Variants in PDE3B observed in about 807,000 individuals in gnomAD.
PDE3B encodes the protein cGMP-inhibited 3',5'-cyclic phosphodiesterase 3B.
PDE3B carries 66 observed loss-of-function variants against 116.8 expected under a neutral mutation model. The ratio of observed to expected loss-of-function variants is 0.56; its 90% CI spans 0.46 to 0.69. PDE3B has a LOEUF of 0.69. Among genes scored for constraint, PDE3B ranks in the 30% least tolerant of loss-of-function variants. The pLI is 0.00. For missense variants in PDE3B, 1,384 were observed against 1,368.1 expected (o/e 1.01, Z -0.18); for synonymous variants, 595 against 533.6 (o/e 1.12, Z -1.59).
At chr11:14,724,285 A>G (rs774919876) in intron 1 of PDE3B, among the ~76,000 whole-genome samples, 3 of 152,172 alleles carry the variant, frequency 2.0e-5, no homozygotes, top group Non-Finnish European at 4.4e-5. Context: ...TGATGATGCT[A>G]TTTATTAAGG....
rs555646041 is a variant in PDE3B at position 14,848,884 on chromosome 11, G to C, written c.2520+4858G>C. ...AACATTCCATGCTCATGGGTAGGAA[G>C]AATCAGTATGAAAATGGCCTTACTG... is the stretch of plus-strand genomic sequence containing the variant. On this transcript the variant is annotated intron_variant, in intron 12 of 15. Transcript: ENST00000282096. Among the ~76,000 whole-genome samples the C allele has an allele frequency of 5.3e-4, 80 of 152,260 alleles. 1 individual carries two copies. Among genetic ancestry groups the C allele is most frequent in the African/African-American group, 1.9e-3 (79 of 41,562 alleles).
At chr11:14,701,643 A>C (rs1193848654) in intron 1 of PDE3B, among the ~76,000 whole-genome samples, 1 of 151,676 alleles carries the variant, frequency 6.6e-6, no homozygotes, top group Admixed American at 6.6e-5. Context: ...TTTTCTTATG[A>C]TAATTGAAGA....
chr11:14,760,106 T>A (rs966621912), intron 1 of PDE3B, among the ~76,000 whole-genome samples: 3 of 152,196 alleles, frequency 2.0e-5, no homozygotes, highest in African/African-American at 7.2e-5. Context: ...CACAGTATGA[T>A]TCTGGCTCTG....
chr11:14,647,485 A>G (rs1853442741), intron 1 of PDE3B, among the ~76,000 whole-genome samples: 1 of 151,968 alleles, frequency 6.6e-6, no homozygotes, highest in South Asian at 2.1e-4. Context: ...CACTTTTGGT[A>G]AGGTAGAAAT....
At chr11:14,852,709 C>G (rs1476786639) in intron 12 of PDE3B, among the ~76,000 whole-genome samples, 1 of 152,168 alleles carries the variant, frequency 6.6e-6, no homozygotes, top group Admixed American at 6.5e-5. Flanking sequence ...CTCCTTCAGT[C>G]TGTTCTCAAC....
At chr11:14,727,125 T>C (rs1856331107) in intron 1 of PDE3B, among the ~76,000 whole-genome samples, 1 of 152,164 alleles carries the variant, frequency 6.6e-6, no homozygotes, top group Admixed American at 6.6e-5. Flanking sequence ...GAGTCCTTGG[T>C]AAATGATTCA....
chr11:14,692,421 G>C (rs1381260442), intron 1 of PDE3B, among the ~76,000 whole-genome samples: 2 of 152,150 alleles, frequency 1.3e-5, no homozygotes, highest in Non-Finnish European at 2.9e-5. Flanking sequence ...AACTTAGTAT[G>C]TTTCGCAGAT....
the PDE3B span, chr11:14,880,631 T>C: frequency 5.6e-6 from 9 of 1,601,092 alleles, no homozygotes; most frequent in Admixed American, 1.4e-4. Context: ...TATGTTTCAA[T>C]AGCATCATTG....
At chr11:14,693,210 T>C (rs1207297829) in intron 1 of PDE3B, among the ~76,000 whole-genome samples, 1 of 152,164 alleles carries the variant, frequency 6.6e-6, no homozygotes, top group African/African-American at 2.4e-5. Flanking sequence ...GGTTAGTTCA[T>C]GAGGTTTTAG....
chr11:14,759,652 G>A (rs1402065230), intron 1 of PDE3B, among the ~76,000 whole-genome samples: 2 of 150,784 alleles, frequency 1.3e-5, no homozygotes, highest in Non-Finnish European at 2.9e-5. Context: ...GGGTTCAAGT[G>A]ATTCTTCTGC....
intron 1 of PDE3B, among the ~76,000 whole-genome samples, chr11:14,672,100 G>A (rs1854389791): frequency 6.7e-6 from 1 of 148,174 alleles, no homozygotes; most frequent in Non-Finnish European, 1.5e-5. Flanking sequence ...TAGTGTTAAA[G>A]TATCTTTATA....
chr11:14,809,970 G>C (rs1425530918), intron 5 of PDE3B, among the ~76,000 whole-genome samples: 1 of 151,832 alleles, frequency 6.6e-6, no homozygotes, highest in Non-Finnish European at 1.5e-5. Flanking sequence ...ATGGTTTTGG[G>C]TCATCTTTAT....
rs144304219 is a variant in PDE3B, at chr11:14,802,464, G to A, written c.1416-1480G>A. Among the ~76,000 whole-genome samples the A allele has an allele frequency of 4.6e-3, 700 of 152,230 alleles. 5 individuals are homozygous for A. Among genetic ancestry groups the A allele is most frequent in the Middle Eastern group, 0.02 (6 of 294 alleles). On this transcript the variant is annotated intron_variant, in intron 4 of 15. Transcript: ENST00000282096. The stretch of plus-strand genomic sequence containing the variant: ...ATGCCCCACCCTGCTTCAGCTCGCC[G>A]TCTTTGGGCTGCATCCACTGTTCAA...
chr11:14,892,368 C>A, the PDE3B span: 10 of 674,592 alleles, frequency 1.5e-5, no homozygotes, highest in East Asian at 1.1e-4. Flanking sequence ...CAACTACCTT[C>A]TAGTTTTGCG....
chr11:14,797,530 AT>A (rs1268907995), intron 4 of PDE3B, among the ~76,000 whole-genome samples: 11 of 152,128 alleles, frequency 7.2e-5, no homozygotes, highest in Non-Finnish European at 1.5e-5. Flanking sequence ...CAGTATGGCC[AT>A]TTTTGTGATA....
At chr11:14,850,921 C>T (rs1036093142) in intron 12 of PDE3B, among the ~76,000 whole-genome samples, 15 of 151,926 alleles carry the variant, frequency 9.9e-5, no homozygotes, top group African/African-American at 3.6e-4. Context: ...CTCCGCCCCC[C>T]AGGTTCATGC....
chr11:14,661,756 G>T (rs1159276306), intron 1 of PDE3B, among the ~76,000 whole-genome samples: 1 of 152,200 alleles, frequency 6.6e-6, no homozygotes, highest in Non-Finnish European at 1.5e-5. Flanking sequence ...GCTGGGGAAG[G>T]GGCGCCTGCC....
chr11:14,835,128 G>T, intron 11 of PDE3B, 33 bp downstream of exon 11: 2 of 1,325,696 alleles, frequency 1.5e-6, no homozygotes, highest in South Asian at 1.3e-5. Flanking sequence ...TAATTATTTT[G>T]ATCAGGAATA....
intron 1 of PDE3B, among the ~76,000 whole-genome samples, chr11:14,717,796 G>A (rs1855955349): frequency 4.6e-5 from 6 of 131,798 alleles, no homozygotes; most frequent in East Asian, 2.3e-4. Flanking sequence ...GGAACAACCG[G>A]TACCAGCCAC....
Sources: gnomAD v4.1 joint callset for allele counts (sites outside exome capture counted in the v4.1 genomes callset) on GRCh38, gnomAD v4.1.1 for gene constraint, MANE v1.5 for transcripts, NCBI Gene and HGNC (gene_info 2026-07-23, HGNC 2026-07-21) for gene names.